The following PLEC variants were observed in gnomAD, a reference collection of about 807,000 sequenced individuals.
The protein encoded by PLEC is plectin.
Under a neutral mutation model 392.8 loss-of-function variants are expected in PLEC, and 216 were observed. That is an observed-to-expected ratio of 0.55 (90% CI 0.49 to 0.62). The LOEUF (loss-of-function observed/expected upper bound fraction) is 0.62. Among genes scored for constraint, PLEC ranks in the 20% least tolerant of loss-of-function variants. PLEC has a pLI of 0.00. For synonymous variants in PLEC, 3,621 were observed against 2,980.6 expected (o/e 1.21, Z -7.00); for missense variants, 6,863 against 6,563.4 (o/e 1.05, Z -1.58).
In PLEC at chr8:143,968,531, A is replaced by AAAAAAAAAG. The variant is rs1360879241; in HGVS notation, c.70+4871_70+4872insCTTTTTTTT. On this transcript the variant is annotated intron_variant, in intron 1 of 31. Coordinates refer to the PLEC transcript ENST00000356346. Reference sequence around the variant, plus strand: ...GGTGACAGAGCAAAACTCCATCTCAAAAAAAAAAAAAAAAAAGACACCAGC... The same window carrying AAAAAAAAAG: ...GGTGACAGAGCAAAACTCCATCTCAAAAAAAAAAGAAAAAAAAAAAAAAAAGACACCAGC... 7.1e-4 allele frequency among the ~76,000 whole-genome samples: 96 copies of AAAAAAAAAG among 134,956 alleles called. 3 individuals carry two copies. The highest frequency in any genetic ancestry group is 2.7e-3 in the African/African-American group (96 of 35,398). The allele number at this position is 134,956 out of a possible 152,430, so 88.5% of individuals were successfully genotyped here.
Position 143,916,256 on chromosome 8 carries a change from T to A in PLEC, c.13565A>T (p.Tyr4522Phe), listed in dbSNP as rs1313708722. 10 of 1,545,018 alleles carry A rather than the reference T, an allele frequency of 6.5e-6. No individual in the cohort carries two copies. Among genetic ancestry groups the A allele is most frequent in the Non-Finnish European group, 8.7e-6 (10 of 1,145,858 alleles). Residue 4522 changes from tyrosine to phenylalanine, a missense_variant, in exon 32 of 32, where the codon TAC (tyrosine) becomes TTC (phenylalanine). Transcript: ENST00000345136. Reference sequence around the variant, plus strand: ...GCGGCGGCCGTAGCCCGAGGAGGAGTAGGAGGATGAAGAGAAGGTCATGGA... The same window carrying A: ...GCGGCGGCCGTAGCCCGAGGAGGAGAAGGAGGATGAAGAGAAGGTCATGGA... ...GFSMTFSSSS[Y>F]SSSGYGRRYA...
chr8:143,944,066 C>T (rs928155756), upstream of PLEC: 20 of 819,334 alleles, frequency 2.4e-5, no homozygotes, highest in Middle Eastern at 3.6e-4. Context: ...CTCCCGCCCG[C>T]CTCCTCTCCT....
At chr8:143,942,580 C>T, upstream of PLEC, 1 of 1,477,418 alleles carries the variant, frequency 6.8e-7, no homozygotes, top group Non-Finnish European at 8.9e-7. Context: ...CGCGGCGGCG[C>T]CTCTGCTTCC....
Position 143,916,463 on chromosome 8 carries a change from C to T in PLEC, c.13358G>A (p.Ser4453Asn). The change falls in exon 32 of 32, where the codon AGC becomes AAC. Residue 4453 changes from serine to asparagine, a missense_variant. Physicochemically the swap from Ser to Asn is conservative, Grantham distance 46. Transcript: ENST00000345136. ...CAGCCCCGTGCCCTCCTCCACCATG[C>T]TGCGGTCCAGCGCGTCCTTATAGGA... ...KISYKDALDR[S>N]MVEEGTGLRL... 1 of 1,611,246 alleles carries T rather than the reference C, an allele frequency of 6.2e-7. No homozygotes were observed. The highest frequency in any genetic ancestry group is 8.5e-7 in the Non-Finnish European group (1 of 1,179,282).
rs1435787941 is a variant in PLEC, at chr8:143,926,828, T to G, written c.4000A>C (p.Ile1334Leu). Residue 1334 changes from isoleucine to leucine, a missense_variant, in exon 30 of 32, where the codon ATC becomes CTC. Ile to Leu is a conservative substitution (Grantham distance 5, BLOSUM62 2). Coordinates refer to ENST00000345136, the MANE Select transcript of PLEC (RefSeq NM_201384.3). ...CGCAGAGTCTCGCTGATGAACTTGA[T>G]GTACTGGCTCGTCAGTGTGGTCAGC... Reference protein sequence around the residue: ...SELTTLTSQYIKFISETLRRM... With the variant: ...SELTTLTSQYLKFISETLRRM... 1 of 1,613,894 alleles carries G rather than the reference T, an allele frequency of 6.2e-7. No homozygotes were observed. Among genetic ancestry groups the G allele is most frequent in the South Asian group, 1.1e-5 (1 of 91,088 alleles).
chr8:143,924,657 C>T lies in PLEC; in HGVS notation c.5272G>A (p.Ala1758Thr), dbSNP rs1231630450. The T allele has an allele frequency of 1.9e-5, 29 of 1,536,334 alleles. No individual in the cohort carries two copies. Among genetic ancestry groups the T allele is most frequent in the East Asian group, 4.9e-5 (2 of 40,930 alleles). Residue 1758 changes from alanine to threonine, a missense_variant, in exon 31 of 32, where the codon GCC (alanine) becomes ACC (threonine). Physicochemically the swap from Ala to Thr is moderately conservative, Grantham distance 58 (BLOSUM62 0). Coordinates refer to ENST00000345136, the MANE Select transcript of PLEC (RefSeq NM_201384.3). ...ACCTCCATCTCGGCCCGCACCTTGG[C>T]CAGCTCGGCTTCCAGCTCCTGCCGT... ...QKRQELEAELAKVRAEMEVLL... is the reference protein window; with the variant it reads ...QKRQELEAELTKVRAEMEVLL...
At position 143,917,317 on chromosome 8, in the gene PLEC, G is replaced by A. The variant is rs1554671774; in HGVS notation, c.12504C>T (p.Tyr4168=). ...YRKGLIDHQT[Y]LELSEQECEW... Reference sequence around the variant, plus strand: ...CGCACTCCTGCTCGGACAGCTCCAGGTACGTCTGGTGGTCAATCAGGCCCT... The same window carrying A: ...CGCACTCCTGCTCGGACAGCTCCAGATACGTCTGGTGGTCAATCAGGCCCT... The change falls in exon 32 of 32, where the codon TAC becomes TAT. Residue 4168 remains tyrosine, a synonymous_variant. Transcript: ENST00000345136. 5.6e-6 allele frequency: 9 copies of A among 1,609,584 alleles called. No homozygotes were observed. The highest frequency in any genetic ancestry group is 1.6e-4 in the Middle Eastern group (1 of 6,062).
At chr8:143,939,225 C>T in intron 1 of PLEC, 125 bp downstream of exon 1, 1 of 1,331,562 alleles carries the variant, frequency 7.5e-7, no homozygotes, top group Non-Finnish European at 1.0e-6. Flanking sequence ...GATGGCTGGC[C>T]CCCGACCCCC....
At chr8:143,974,058 C>G (rs1281475609), upstream of PLEC, among the ~76,000 whole-genome samples, 3 of 152,222 alleles carry the variant, frequency 2.0e-5, no homozygotes, top group African/African-American at 7.2e-5. The surrounding 1 kb of genome is among the most constrained non-coding windows in gnomAD (Gnocchi z 5.9). Flanking sequence ...GCAAAGCCCC[C>G]GCTCTCCCCG....
At chr8:143,950,459 C>T (rs1038507414) in exon 1 of PLEC, 3 of 1,605,386 alleles carry the variant, frequency 1.9e-6, no homozygotes, top group South Asian at 2.2e-5. Flanking sequence ...CAGGTACTGG[C>T]GGAGGTGGGC....
chr8:143,916,104 G>T lies in PLEC; in HGVS notation c.*73C>A. ...ACTTGGGAGGAAGACACCTTTAAGC[G>T]TTGAAAACGGCCCCCGCGCCTCGGT... is the stretch of plus-strand genomic sequence containing the variant. On this transcript the variant is annotated 3_prime_UTR_variant, in exon 32 of 32. Coordinates refer to ENST00000345136, the MANE Select transcript of PLEC (RefSeq NM_201384.3). 9.0e-7 allele frequency: 1 copy of T among 1,113,306 alleles called. No individual in the cohort carries two copies. The highest frequency in any genetic ancestry group is 1.2e-6 in the Non-Finnish European group (1 of 805,066). 69.0% of individuals were successfully genotyped at this position (1,113,306 alleles called of 1,614,324 possible). A position where few individuals can be genotyped will look rare whatever the true frequency, so the allele number is the denominator to read the frequency against.
chr8:143,929,131 G>A lies in PLEC; in HGVS notation c.3232C>T (p.Arg1078Cys), dbSNP rs372402587. 1.7e-5 allele frequency: 27 copies of A among 1,585,364 alleles called. 1 individual carries two copies. Among genetic ancestry groups the A allele is most frequent in the Admixed American group, 1.1e-4 (6 of 55,514 alleles). ...TCCAGGTAGATGGCAGACAGGCTGC[G>A]GACCTGCTCCAGCTTGCCCAGCGTC... is the stretch of plus-strand genomic sequence containing the variant. ...ELTLGKLEQV[R>C]SLSAIYLEKL... The change falls in exon 25 of 32, where the codon CGC becomes TGC. Residue 1078 changes from arginine to cysteine, a missense_variant. Coordinates refer to ENST00000345136, the MANE Select transcript of PLEC (RefSeq NM_201384.3).
rs1007074224 is a variant in PLEC, at chr8:143,935,303, T to C, written c.613A>G (p.Ile205Val). ...AIIHRHKPLLIDMNKVYRQTN... is the reference protein window; with the variant it reads ...AIIHRHKPLLVDMNKVYRQTN... ...TGCCGGTACACCTTGTTCATGTCGA[T>C]GAGCAGGGGCCTGGGACAAGCAGGT... Residue 205 changes from isoleucine (I) to valine (V), a missense_variant, in exon 7 of 32, where the codon ATC becomes GTC. Coordinates refer to ENST00000345136, the MANE Select transcript of PLEC (RefSeq NM_201384.3). 6 of 1,603,984 alleles carry C rather than the reference T, an allele frequency of 3.7e-6. No homozygotes were observed. Among genetic ancestry groups the C allele is most frequent in the East Asian group, 2.2e-5 (1 of 44,866 alleles).
At chr8:143,938,319 G>T in intron 2 of PLEC, 79 bp from the exon 3 acceptor site, 1 of 1,536,736 alleles carries the variant, frequency 6.5e-7, no homozygotes, top group Non-Finnish European at 8.8e-7. Context: ...TACAGAGTGG[G>T]TGCTGGTCCC....
intron 1 of PLEC, 52 bp downstream of exon 1, chr8:143,939,298 C>G: frequency 6.3e-7 from 1 of 1,576,248 alleles, no homozygotes; most frequent in Non-Finnish European, 8.6e-7. Flanking sequence ...GGGCCTTCCT[C>G]CCGCAGGGGC....
intron 1 of PLEC, among the ~76,000 whole-genome samples, chr8:143,968,793 T>C (rs7834783): frequency 6.6e-6 from 1 of 152,150 alleles, no homozygotes; most frequent in Admixed American, 6.5e-5. Context: ...CAAACCACAA[T>C]GAGATTCCAC....
At chr8:143,943,562 C>T (rs1830895972), upstream of PLEC, among the ~76,000 whole-genome samples, 1 of 152,184 alleles carries the variant, frequency 6.6e-6, no homozygotes, top group Non-Finnish European at 1.5e-5. Context: ...ACCTGTCCCG[C>T]ACAGGCTGCA....
Position 143,931,927 on chromosome 8 carries a change from C to T in PLEC, c.2178+10G>A, listed in dbSNP as rs781817693. 4.4e-5 allele frequency: 70 copies of T among 1,599,268 alleles called. No individual in the cohort carries two copies. Among genetic ancestry groups the T allele is most frequent in the Non-Finnish European group, 5.4e-5 (63 of 1,173,378 alleles). ...CTGAGCCACAGTGCGGAGGGGGCTC[C>T]GGTTCTCACCTGAAAGTAGGCAGCG... On this transcript the variant is annotated intron_variant, in intron 18 of 31. Coordinates refer to ENST00000345136, the MANE Select transcript of PLEC (RefSeq NM_201384.3).
Position 143,934,394 on chromosome 8 carries a change from C to T in PLEC, c.1093G>A (p.Asp365Asn). ...LKVPPGYHPL[D>N]VEKEWGKLHV... ...AGCTTGCCCCACTCCTTCTCCACATCCAGCGGGTGGTAGCCAGGGGGCACC... is the reference window on the plus strand; with the variant it reads ...AGCTTGCCCCACTCCTTCTCCACATTCAGCGGGTGGTAGCCAGGGGGCACC... Residue 365 changes from aspartate (D) to asparagine (N), a missense_variant, in exon 11 of 32, where the codon GAT becomes AAT. Transcript: ENST00000345136. 1 of 1,612,456 alleles carries T rather than the reference C, an allele frequency of 6.2e-7. No individual in the cohort carries two copies. Among genetic ancestry groups the T allele is most frequent in the Non-Finnish European group, 8.5e-7 (1 of 1,179,932 alleles).
Sources: allele counts gnomAD v4.1 joint callset (sites outside exome capture counted in the v4.1 genomes callset), GRCh38; gene constraint gnomAD v4.1.1; non-coding constraint Gnocchi (gnomAD v3.1); transcripts MANE v1.5; gene names NCBI Gene and HGNC (gene_info 2026-07-23, HGNC 2026-07-21).